The following SORCS3 variants were observed in gnomAD, a reference collection of about 807,000 sequenced individuals.
The protein encoded by SORCS3 is sortilin related VPS10 domain containing receptor 3.
In SORCS3, 57 loss-of-function variants were observed where a neutral mutation model predicts 146.3. The observed-to-expected ratio is 0.39, with a 90% confidence interval of 0.31 to 0.49. SORCS3 has a LOEUF of 0.49. Ranked by LOEUF, SORCS3 falls within the 20% of genes least tolerant of loss-of-function variation. The pLI is 0.92. For missense variants in SORCS3, 1,341 were observed against 1,575.5 expected (o/e 0.85, Z 2.52); for synonymous variants, 653 against 618.5 (o/e 1.06, Z -0.83).
chr10:105,175,601 A>G (rs2056395216), intron 13 of SORCS3, among the ~76,000 whole-genome samples: 1 of 152,240 alleles, frequency 6.6e-6, no homozygotes, highest in Non-Finnish European at 1.5e-5. Context: ...CATGGTAAGA[A>G]AAGTAAAGTT....
intron 4 of SORCS3, among the ~76,000 whole-genome samples, chr10:104,989,832 T>C (rs1482210273): frequency 6.6e-6 from 1 of 152,104 alleles, no homozygotes; most frequent in Non-Finnish European, 1.5e-5. Flanking sequence ...ATAAGGCAAA[T>C]ATAGAAGCTG....
chr10:104,760,994 A>G (rs1268071560), intron 1 of SORCS3, among the ~76,000 whole-genome samples: 1 of 152,176 alleles, frequency 6.6e-6, no homozygotes, highest in African/African-American at 2.4e-5. Flanking sequence ...AATGGTTAAA[A>G]TTCAAAAACA....
chr10:105,138,184 G>T (rs1008885579), intron 7 of SORCS3, among the ~76,000 whole-genome samples: 1 of 152,170 alleles, frequency 6.6e-6, no homozygotes, highest in East Asian at 1.9e-4. Flanking sequence ...CACAGCATAA[G>T]CCTTTGCACC....
intron 1 of SORCS3, among the ~76,000 whole-genome samples, chr10:104,682,511 T>TTA (rs1183570481): frequency 6.6e-6 from 1 of 152,216 alleles, no homozygotes; most frequent in Non-Finnish European, 1.5e-5. Context: ...AGGTTAGCTT[T>TTA]TATTTTTAAA....
At chr10:104,739,008 G>A (rs2016810692) in intron 1 of SORCS3, among the ~76,000 whole-genome samples, 1 of 152,132 alleles carries the variant, frequency 6.6e-6, no homozygotes, top group African/African-American at 2.4e-5. Flanking sequence ...TCTCTTTGAG[G>A]CATTTGTGCA....
At chr10:105,027,137 G>T (rs773939906) in intron 4 of SORCS3, among the ~76,000 whole-genome samples, 1 of 152,012 alleles carries the variant, frequency 6.6e-6, no homozygotes, top group Admixed American at 6.6e-5. Context: ...TCCTCAAGAC[G>T]CTGTGGGTCT....
At position 104,641,489 on chromosome 10, in the gene SORCS3, G is replaced by C; in HGVS notation, c.162G>C (p.Pro54=). Residue 54 remains proline, a synonymous_variant, in exon 1 of 27, where the codon CCG becomes CCC. Coordinates refer to ENST00000369701, the MANE Select transcript of SORCS3 (RefSeq NM_014978.3). The surrounding 1 kb of genome is among the most constrained non-coding windows in gnomAD (Gnocchi z 6.4). Reference sequence around the variant, plus strand: ...CGGCGGCCCCGGCTTCGCGGCCACCGGCGTTGTCTCCACTCTCGCCGCGGG... The same window carrying C: ...CGGCGGCCCCGGCTTCGCGGCCACCCGCGTTGTCTCCACTCTCGCCGCGGG... ...GRPAAPASRP[P]ALSPLSPRAV... The C allele has an allele frequency of 1.4e-6, 2 of 1,469,444 alleles. No homozygotes were observed. The allele number at this position is 1,469,444 out of a possible 1,614,324, so 91.0% of individuals were successfully genotyped here.
chr10:105,052,757 G>T (rs749917578), intron 5 of SORCS3, among the ~76,000 whole-genome samples: 21 of 152,108 alleles, frequency 1.4e-4, no homozygotes, highest in Non-Finnish European at 2.6e-4. Context: ...AGAGGTCAAT[G>T]TTGAGCTCGG....
rs1051642795 is a variant in SORCS3, at chr10:104,958,775, A to G, written c.796-18560A>G. ...ATGTTTAACTGACTCACAGTTCCAC[A>G]TGGCTGAGGAGGCTTCAGGGAACTT... On this transcript the variant is annotated intron_variant, in intron 3 of 26. Coordinates refer to ENST00000369701, the MANE Select transcript of SORCS3 (RefSeq NM_014978.3). Among the ~76,000 whole-genome samples the G allele has an allele frequency of 2.0e-5, 3 of 152,188 alleles. No individual in the cohort carries two copies. The East Asian group carries it at 5.8e-4, about 29-fold the overall frequency.
chr10:105,015,286 G>A (rs2133684062), intron 4 of SORCS3, among the ~76,000 whole-genome samples: 2 of 152,242 alleles, frequency 1.3e-5, no homozygotes, highest in East Asian at 3.9e-4. Flanking sequence ...ATAAACCCTG[G>A]AGAAACACTT....
chr10:104,820,378 G>A (rs1873308), intron 1 of SORCS3, among the ~76,000 whole-genome samples: 55,182 of 151,958 alleles, frequency 0.36, 10,987 homozygotes, highest in East Asian at 0.66. Context: ...TTATCAACTG[G>A]CTAACATTTA....
At chr10:104,991,875 C>T (rs2054996814) in intron 4 of SORCS3, among the ~76,000 whole-genome samples, 1 of 152,122 alleles carries the variant, frequency 6.6e-6, no homozygotes, top group Admixed American at 6.5e-5. Flanking sequence ...ACTTATTTAC[C>T]TTTTTAAAGA....
chr10:105,124,586 CA>C (rs2055959266), intron 7 of SORCS3, among the ~76,000 whole-genome samples: 1 of 152,224 alleles, frequency 6.6e-6, no homozygotes, highest in South Asian at 2.1e-4. Flanking sequence ...ACATCTGTTA[CA>C]AAAAAATACA....
chr10:104,829,171 C>T (rs2017973843), intron 1 of SORCS3, among the ~76,000 whole-genome samples: 1 of 152,146 alleles, frequency 6.6e-6, no homozygotes, highest in Non-Finnish European at 1.5e-5. Flanking sequence ...ATAATACTTT[C>T]ATAGTACAAT....
At chr10:104,696,691 T>C (rs528075515) in intron 1 of SORCS3, among the ~76,000 whole-genome samples, 1 of 69,504 alleles carries the variant, frequency 1.4e-5, no homozygotes, top group Non-Finnish European at 2.6e-5. Flanking sequence ...TAATATATAA[T>C]ATATATTATA....
intron 20 of SORCS3, among the ~76,000 whole-genome samples, chr10:105,243,642 G>A (rs889364320): frequency 6.6e-6 from 1 of 152,144 alleles, no homozygotes; most frequent in Non-Finnish European, 1.5e-5. Flanking sequence ...TCTGAGGTTT[G>A]CCCTTAGTTA....
intron 1 of SORCS3, among the ~76,000 whole-genome samples, chr10:104,736,073 C>A (rs145499843): frequency 0.012 from 1,888 of 152,264 alleles, 31 homozygotes; most frequent in African/African-American, 0.038. Context: ...TGTTAAACAG[C>A]TGTCATACAA....
intron 3 of SORCS3, among the ~76,000 whole-genome samples, chr10:104,932,060 G>A (rs1052583036): frequency 6.6e-6 from 1 of 152,174 alleles, no homozygotes; most frequent in Non-Finnish European, 1.5e-5. Context: ...ATAATGAACT[G>A]CTGGCTTCCT....
At chr10:104,730,121 A>G (rs775525082) in intron 1 of SORCS3, among the ~76,000 whole-genome samples, 7 of 152,206 alleles carry the variant, frequency 4.6e-5, no homozygotes, top group African/African-American at 2.4e-5. Context: ...ATGTTAATTG[A>G]AGGTTTGCAG....
Sources: gnomAD v4.1 joint callset for allele counts (sites outside exome capture counted in the v4.1 genomes callset) on GRCh38, gnomAD v4.1.1 for gene constraint, Gnocchi (gnomAD v3.1) non-coding constraint, MANE v1.5 for transcripts, NCBI Gene and HGNC (gene_info 2026-07-23, HGNC 2026-07-21) for gene names.